Variants in CDHR2 observed in about 807,000 individuals in gnomAD.
CDHR2 encodes the protein cadherin-related family member 2.
A neutral mutation model predicts 138.6 loss-of-function variants in CDHR2; 104 were observed. The ratio of observed to expected loss-of-function variants is 0.75; its 90% CI spans 0.64 to 0.88. The LOEUF is 0.88. Ranked by LOEUF, CDHR2 falls within the 40% of genes least tolerant of loss-of-function variation. The pLI is 0.00. For synonymous variants in CDHR2, 755 were observed against 742.8 expected, an observed-to-expected ratio of 1.02 and a Z score of -0.27; for missense variants, 1,624 against 1,727.6, an observed-to-expected ratio of 0.94 and a Z score of 1.06.
At chr5:176,595,896 G>A, downstream of CDHR2, 1 of 430,968 alleles carries the variant, frequency 2.3e-6, no homozygotes, top group Non-Finnish European at 4.1e-6. Flanking sequence ...GTGGTCACAA[G>A]GGACTTGGGC....
rs1164689670 is a variant in CDHR2, at chr5:176,592,766, A to G, written c.3778A>G (p.Ser1260Gly). ...CAACTCTGTGGATGTGGACAAGAAC[A>G]GTCAGGAAATCAAGGCAAGATGGGG... ...DDNSVDVDKNSQEIKEHRPPH... is the reference protein window; with the variant it reads ...DDNSVDVDKNGQEIKEHRPPH... Residue 1260 changes from serine to glycine, a missense_variant, in exon 31 of 32, where the codon AGT becomes GGT. This residue lies in a region of CDHR2 where 556 missense variants were observed against 565.7 expected (regional missense o/e 0.98). Coordinates refer to ENST00000261944, the MANE Select transcript of CDHR2 (RefSeq NM_017675.6). 1 of 1,613,848 alleles carries G rather than the reference A, an allele frequency of 6.2e-7. No individual in the cohort carries two copies. The highest frequency in any genetic ancestry group is 1.3e-5 in the African/African-American group (1 of 74,986).
intron 21 of CDHR2, among the ~76,000 whole-genome samples, chr5:176,588,508 A>AGT (rs200273958): frequency 0.31 from 44,797 of 145,472 alleles, 7,057 homozygotes; most frequent in African/African-American, 0.41. Flanking sequence ...GGTGTGTATG[A>AGT]GTGTGTGCAT....
At chr5:176,589,675 C>T in intron 24 of CDHR2, 59 bp downstream of exon 24, 1 of 1,426,950 alleles carries the variant, frequency 7.0e-7, no homozygotes. Context: ...GAGCCTGGTC[C>T]CCGACAAAAC....
Position 176,586,011 on chromosome 5 carries a change from A to G in CDHR2, c.2792A>G (p.Glu931Gly). 1 of 1,613,976 alleles carries G rather than the reference A, an allele frequency of 6.2e-7. No individual in the cohort carries two copies. The highest frequency in any genetic ancestry group is 8.5e-7 in the Non-Finnish European group (1 of 1,179,894). The change falls in exon 20 of 32, where the codon GAG (glutamate) becomes GGG (glycine). Residue 931 changes from glutamate (E) to glycine (G), a missense_variant. This residue lies in a region of CDHR2 where 556 missense variants were observed against 565.7 expected (regional missense o/e 0.98). Coordinates refer to ENST00000261944, the MANE Select transcript of CDHR2 (RefSeq NM_017675.6). ...VNDNAPYFLP[E>G]NKTFVIIPEL... is the part of the protein sequence containing the mutation. ...GACAATGCACCCTATTTTCTGCCTG[A>G]GAATAAGACTTTTGGTAAGCAGCAA...
chr5:176,573,507 C>T (rs1238090654), intron 6 of CDHR2, among the ~76,000 whole-genome samples: 2 of 151,578 alleles, frequency 1.3e-5, no homozygotes, highest in Non-Finnish European at 1.5e-5. Flanking sequence ...ATTAGCTAGG[C>T]ATGGTGGTGG....
upstream of CDHR2, among the ~76,000 whole-genome samples, chr5:176,545,760 C>G (rs1757573684): frequency 6.6e-6 from 1 of 152,330 alleles, no homozygotes; most frequent in Middle Eastern, 3.4e-3. Context: ...TCCCACTCTG[C>G]CTGGCTGCCT....
chr5:176,563,778 G>T (rs1173996574), intron 1 of CDHR2, among the ~76,000 whole-genome samples: 1 of 152,194 alleles, frequency 6.6e-6, no homozygotes, highest in African/African-American at 2.4e-5. Context: ...CCACAAGTGG[G>T]GCCGTTTAGT....
At chr5:176,569,817 G>A (rs1310345906) in intron 5 of CDHR2, among the ~76,000 whole-genome samples, 2 of 152,198 alleles carry the variant, frequency 1.3e-5, no homozygotes, top group Non-Finnish European at 2.9e-5. Flanking sequence ...AAAATTAGCT[G>A]GGCATGGTGG....
In CDHR2 at chr5:176,589,550, A is replaced by AC; in HGVS notation, c.3142dup (p.Arg1048ProfsTer21). 5.0e-6 allele frequency: 8 copies of AC among 1,613,944 alleles called. No homozygotes were observed. Among genetic ancestry groups the AC allele is most frequent in the Non-Finnish European group, 6.8e-6 (8 of 1,180,000 alleles). On this transcript the variant is annotated frameshift_variant, in exon 24 of 32. Coordinates refer to ENST00000261944, the MANE Select transcript of CDHR2 (RefSeq NM_017675.6). LOFTEE classifies it high-confidence loss of function. ...CAGCTCTTCACCGTGGACCAGAGTTACCGCTCGCGGCTGCAGTTCTCCACA... is the reference window on the plus strand; with the variant it reads ...CAGCTCTTCACCGTGGACCAGAGTTACCCGCTCGCGGCTGCAGTTCTCCACA...
chr5:176,556,287 T>C (rs1757821288), intron 1 of CDHR2, among the ~76,000 whole-genome samples: 1 of 152,192 alleles, frequency 6.6e-6, no homozygotes, highest in South Asian at 2.1e-4. Flanking sequence ...GAGGATCGCT[T>C]GAGCCCAGGA....
At chr5:176,572,694 C>A (rs994075520) in intron 6 of CDHR2, among the ~76,000 whole-genome samples, 8 of 152,202 alleles carry the variant, frequency 5.3e-5, no homozygotes, top group African/African-American at 1.9e-4. Context: ...ACCACCACTC[C>A]TGAACTTCCG....
chr5:176,578,174 A>C (rs1565150), intron 15 of CDHR2, 79 bp downstream of exon 15: 922,002 of 1,395,692 alleles, frequency 0.66, 311,568 homozygotes, highest in Non-Finnish European at 0.7. Context: ...CAGAGATAGA[A>C]TAGCTGGGGA....
intron 1 of CDHR2, among the ~76,000 whole-genome samples, chr5:176,550,370 G>A (rs1206503617): frequency 6.6e-6 from 1 of 152,136 alleles, no homozygotes; most frequent in East Asian, 1.9e-4. Flanking sequence ...GGCACTGGGA[G>A]GGCCCGTGGC....
chr5:176,574,232 A>G (rs1758304988), intron 7 of CDHR2, 60 bp downstream of exon 7: 2 of 1,285,592 alleles, frequency 1.6e-6, no homozygotes, highest in Non-Finnish European at 2.3e-6. Context: ...ATCTCCACAG[A>G]CAACCCACAG....
rs370301090 is a variant in CDHR2, at chr5:176,576,245, A to T, written c.1194+60A>T. ...CTGGGGGAGGCCAGTGGGAGCCTGGATCGAGTGACGGTGTCATGTGGTGCT... is the reference window on the plus strand; with the variant it reads ...CTGGGGGAGGCCAGTGGGAGCCTGGTTCGAGTGACGGTGTCATGTGGTGCT... On this transcript the variant is annotated intron_variant, in intron 12 of 31. Transcript: ENST00000261944. This position sits in a 1 kb window ranked among gnomAD's most constrained non-coding sequence, Gnocchi z 4.5. 3.9e-5 allele frequency: 52 copies of T among 1,348,736 alleles called. No individual in the cohort carries two copies. The African/African-American group carries it at 4.7e-4, about 12-fold the overall frequency. 83.5% of individuals were successfully genotyped at this position (1,348,736 alleles called of 1,614,324 possible).
intron 15 of CDHR2, 99 bp from the exon 16 acceptor site, chr5:176,578,266 G>T: frequency 7.9e-7 from 1 of 1,264,388 alleles, no homozygotes; most frequent in Non-Finnish European, 1.1e-6. Context: ...TGCATATACT[G>T]CATGGGATAT....
chr5:176,589,377 C>T lies in CDHR2; in HGVS notation c.3056C>T (p.Thr1019Ile), dbSNP rs752078704. The part of the protein sequence containing the change: ...DSTLQGTYQV[T>I]VQARDRPSLG... ...ACTCTCCAAGGCACCTACCAAGTGA[C>T]AGTCCAGGCCAGGGACAGACCTTCC... The change falls in exon 23 of 32, where the codon ACA becomes ATA. Residue 1019 changes from threonine (T) to isoleucine (I), a missense_variant. This residue lies in a region of CDHR2 where 556 missense variants were observed against 565.7 expected (regional missense o/e 0.98). Coordinates refer to ENST00000261944, the MANE Select transcript of CDHR2 (RefSeq NM_017675.6). The T allele has an allele frequency of 3.8e-6, 6 of 1,559,570 alleles. No homozygotes were observed. The South Asian group carries it at 7.4e-5, about 19-fold the overall frequency.
intron 17 of CDHR2, among the ~76,000 whole-genome samples, chr5:176,583,176 G>A (rs569297239): frequency 3.9e-5 from 6 of 152,306 alleles, no homozygotes; most frequent in African/African-American, 1.4e-4. Flanking sequence ...CCTGTGAGCC[G>A]TCCTCACAAT....
chr5:176,579,506 T>A (rs1758477858), intron 16 of CDHR2, among the ~76,000 whole-genome samples: 1 of 152,132 alleles, frequency 6.6e-6, no homozygotes, highest in Admixed American at 6.5e-5. Context: ...GTCTGTGAGC[T>A]CCTTGGGGCA....
Sources: gnomAD v4.1 joint callset for allele counts (sites outside exome capture counted in the v4.1 genomes callset) on GRCh38, gnomAD v4.1.1 for gene constraint, gnomAD v4.1.1 regional missense constraint, Gnocchi (gnomAD v3.1) non-coding constraint, MANE v1.5 for transcripts, NCBI Gene and HGNC (gene_info 2026-07-23, HGNC 2026-07-21) for gene names.